Variants in FAM114A1 observed in about 807,000 individuals in gnomAD.
FAM114A1 encodes the protein protein NOXP20.
In FAM114A1, 62 loss-of-function variants were observed where a neutral mutation model predicts 64.3. That is an observed-to-expected ratio of 0.96 (90% CI 0.79 to 1.19). The LOEUF is 1.19. FAM114A1 is among the 50% of genes most tolerant of loss of function. The pLI, the probability that FAM114A1 is intolerant of heterozygous loss-of-function variation, is 0.00. For synonymous variants in FAM114A1, 254 were observed against 251.1 expected (o/e 1.01, Z -0.11); for missense variants, 645 against 676.3 (o/e 0.95, Z 0.51).
intron 13 of FAM114A1, 55 bp from the exon 14 acceptor site, chr4:38,940,913 C>T (rs1721534129): frequency 6.4e-7 from 1 of 1,573,020 alleles, no homozygotes; most frequent in East Asian, 2.2e-5. Context: ...TTTTACGTGG[C>T]AAGCCTTGTA....
chr4:38,917,728 C>T (rs1719208467), intron 8 of FAM114A1, among the ~76,000 whole-genome samples: 1 of 152,090 alleles, frequency 6.6e-6, no homozygotes, highest in Admixed American at 6.5e-5. Context: ...GTGAAACAGC[C>T]CCAGGGCCCT....
At chr4:38,896,848 G>C (rs974734) in intron 4 of FAM114A1, among the ~76,000 whole-genome samples, 71,955 of 152,018 alleles carry the variant, frequency 0.47, 17,149 homozygotes, top group Middle Eastern at 0.59. Flanking sequence ...TGGAAAGTAA[G>C]GAAAGAAAAT....
intron 8 of FAM114A1, among the ~76,000 whole-genome samples, chr4:38,921,726 C>T (rs1282643343): frequency 6.6e-6 from 1 of 152,142 alleles, no homozygotes; most frequent in East Asian, 1.9e-4. Flanking sequence ...CTTCCTAGTG[C>T]TTCCCTCCAC....
chr4:38,877,963 T>TAA (rs1714817489), intron 2 of FAM114A1, 108 bp from the exon 3 acceptor site: 2 of 749,414 alleles, frequency 2.7e-6, no homozygotes, highest in African/African-American at 6.8e-5. Flanking sequence ...AAACTCCGTC[T>TAA]CAAAAAAAAA....
intron 2 of FAM114A1, among the ~76,000 whole-genome samples, chr4:38,877,522 G>T (rs1714763260): frequency 1.3e-5 from 2 of 152,280 alleles, no homozygotes; most frequent in South Asian, 4.1e-4. Context: ...CGAGCGATGG[G>T]GAGCAGCTGT....
intron 4 of FAM114A1, among the ~76,000 whole-genome samples, chr4:38,894,047 C>T (rs1469185416): frequency 6.6e-6 from 1 of 151,472 alleles, no homozygotes; most frequent in Non-Finnish European, 1.5e-5. Context: ...CCTGTAGTCC[C>T]AGCTACATGG....
intron 6 of FAM114A1, among the ~76,000 whole-genome samples, chr4:38,907,186 G>A (rs1047844781): frequency 2.0e-5 from 3 of 152,200 alleles, no homozygotes; most frequent in African/African-American, 7.2e-5. Flanking sequence ...GGGGAAGTAA[G>A]GAGGAGCAGC....
At chr4:38,914,694 G>T in intron 7 of FAM114A1, 1 of 453,812 alleles carries the variant, frequency 2.2e-6, no homozygotes, top group Non-Finnish European at 3.9e-6. Flanking sequence ...TTGAATTTTT[G>T]CTTTGTTTTG....
At chr4:38,934,377 C>T (rs1247411399) in intron 12 of FAM114A1, among the ~76,000 whole-genome samples, 2 of 152,008 alleles carry the variant, frequency 1.3e-5, no homozygotes, top group African/African-American at 4.8e-5. Context: ...TACTCTTGGC[C>T]CTTTCTGCAG....
At chr4:38,941,074 T>G in intron 14 of FAM114A1, 53 bp downstream of exon 14, 1 of 1,373,968 alleles carries the variant, frequency 7.3e-7, no homozygotes, top group Non-Finnish European at 9.8e-7. Context: ...ATGTTAGAAC[T>G]ACTTTTTTTT....
At position 38,915,079 on chromosome 4, in the gene FAM114A1, T is replaced by G; in HGVS notation, c.945+6T>G. The G allele has an allele frequency of 6.2e-7, 1 of 1,613,026 alleles. No individual in the cohort carries two copies. The highest frequency in any genetic ancestry group is 8.5e-7 in the Non-Finnish European group (1 of 1,179,266). On this transcript the variant is annotated splice_donor_region_variant and intron_variant, in intron 8 of 14. Coordinates refer to ENST00000358869, the MANE Select transcript of FAM114A1 (RefSeq NM_138389.4). Reference sequence around the variant, plus strand: ...CCAATGAAAGCGAAAGCAAGGTACTTCTGCACTACTCGTTTGAAATGGCAT... The same window carrying G: ...CCAATGAAAGCGAAAGCAAGGTACTGCTGCACTACTCGTTTGAAATGGCAT...
At chr4:38,885,318 C>T (rs972551982) in intron 3 of FAM114A1, among the ~76,000 whole-genome samples, 4 of 152,138 alleles carry the variant, frequency 2.6e-5, no homozygotes, top group African/African-American at 2.4e-5. Flanking sequence ...CTCTGTTGCC[C>T]AGGCTGGAGT....
intron 2 of FAM114A1, among the ~76,000 whole-genome samples, chr4:38,876,156 CT>C (rs201031921): frequency 0.021 from 2,821 of 137,482 alleles, 113 homozygotes; most frequent in Admixed American, 0.079. Context: ...ATTTTCTAGA[CT>C]TATTCTTTTT....
chr4:38,904,680 G>A (rs926688060), intron 4 of FAM114A1, among the ~76,000 whole-genome samples: 2 of 152,176 alleles, frequency 1.3e-5, no homozygotes. Flanking sequence ...CCTAAAGGAA[G>A]GCCTAATGCT....
rs376837799 is a variant in FAM114A1 at position 38,878,270 on chromosome 4, C to G, written c.192C>G (p.Ala64=). 2 of 1,614,172 alleles carry G rather than the reference C, an allele frequency of 1.2e-6. No individual in the cohort carries two copies. Among genetic ancestry groups the G allele is most frequent in the Admixed American group, 3.3e-5 (2 of 60,006 alleles). Residue 64 remains alanine, a synonymous_variant, in exon 3 of 15, where the codon GCC becomes GCG. Coordinates refer to ENST00000358869, the MANE Select transcript of FAM114A1 (RefSeq NM_138389.4). The part of the protein sequence containing the change: ...ENAAVQGAGA[A]AIGPPVQPQD... ...CAGCTGTGCAGGGTGCAGGGGCTGC[C>G]GCCATTGGGCCCCCTGTGCAGCCTC... is the stretch of plus-strand genomic sequence containing the variant.
At chr4:38,942,249 A>G (rs1221406455) in intron 14 of FAM114A1, among the ~76,000 whole-genome samples, 1 of 152,204 alleles carries the variant, frequency 6.6e-6, no homozygotes, top group African/African-American at 2.4e-5. Flanking sequence ...CTATATATTT[A>G]TATCATTGTT....
chr4:38,943,327 C>G, intron 14 of FAM114A1, 129 bp from the exon 15 acceptor site: 2 of 725,422 alleles, frequency 2.8e-6, no homozygotes, highest in African/African-American at 1.8e-5. Context: ...CTTTAAGCAC[C>G]AATATTGCAA....
chr4:38,876,731 T>C (rs1167376225), intron 2 of FAM114A1, among the ~76,000 whole-genome samples: 1 of 152,236 alleles, frequency 6.6e-6, no homozygotes, highest in Non-Finnish European at 1.5e-5. Context: ...CTGAAATCAG[T>C]GTCCATGGGC....
chr4:38,924,656 T>G (rs1719938335), intron 9 of FAM114A1, among the ~76,000 whole-genome samples: 1 of 152,194 alleles, frequency 6.6e-6, no homozygotes, highest in African/African-American at 2.4e-5. Context: ...TCAGAGACAG[T>G]TGGGAATCAT....
Sources: allele counts gnomAD v4.1 joint callset (sites outside exome capture counted in the v4.1 genomes callset), GRCh38; gene constraint gnomAD v4.1.1; transcripts MANE v1.5; gene names NCBI Gene and HGNC (gene_info 2026-07-23, HGNC 2026-07-21).